MYO9B: variants seen among roughly 807,000 people sequenced by gnomAD.
MYO9B encodes the protein unconventional myosin-IXb.
In MYO9B, 71 loss-of-function variants were observed where a neutral mutation model predicts 229.5. That is an observed-to-expected ratio of 0.31 (90% CI 0.26 to 0.38). The LOEUF (loss-of-function observed/expected upper bound fraction) is 0.38. Among genes scored for constraint, MYO9B ranks in the 10% least tolerant of loss-of-function variants. The pLI is 1.00. For missense variants in MYO9B, 2,255 were observed against 2,920.5 expected (o/e 0.77, Z 5.25); for synonymous variants, 1,185 against 1,235.8 (o/e 0.96, Z 0.86).
chr19:17,096,699 GTTGTTGGTTTT>G (rs2057694369), intron 1 of MYO9B, among the ~76,000 whole-genome samples: 1 of 60,108 alleles, frequency 1.7e-5, no homozygotes, highest in African/African-American at 9.9e-5. Flanking sequence ...TGTTGTTGTT[GTTGTTGGTTTT>G]TTTTTTTTTT....
In MYO9B at chr19:17,101,436, G is replaced by A. The variant is rs2057743499; in HGVS notation, c.-58-224G>A. Among the ~76,000 whole-genome samples the A allele has an allele frequency of 6.6e-6, 1 of 152,064 alleles. No individual in the cohort carries two copies. The highest frequency in any genetic ancestry group is 1.5e-5 in the Non-Finnish European group (1 of 68,020). ...CCCACCTTGGCCTCCTAAAGTGTTG[G>A]GATTATAAGCATGAGCCACTGCAGG... On this transcript the variant is annotated intron_variant, in intron 1 of 39. Coordinates refer to ENST00000682292, the MANE Select transcript of MYO9B (RefSeq NM_004145.4). The surrounding 1 kb of genome is among the most constrained non-coding windows in gnomAD (Gnocchi z 4.7).
chr19:17,150,782 A>G (rs2072468505), intron 3 of MYO9B, among the ~76,000 whole-genome samples: 1 of 141,232 alleles, frequency 7.1e-6, no homozygotes, highest in African/African-American at 2.4e-5. Flanking sequence ...GAAATACATC[A>G]AATGATGCCT....
chr19:17,108,165 G>A (rs149453509), intron 2 of MYO9B, among the ~76,000 whole-genome samples: 5,001 of 152,230 alleles, frequency 0.033, 109 homozygotes, highest in Non-Finnish European at 0.053. Context: ...TCAGACCCCC[G>A]GTCCTGCCAG....
At chr19:17,187,764 A>G (rs894606982) in intron 18 of MYO9B, among the ~76,000 whole-genome samples, 171 bp from the exon 19 acceptor site, 2 of 152,032 alleles carry the variant, frequency 1.3e-5, no homozygotes, top group African/African-American at 4.8e-5. Flanking sequence ...CAGGTCGGCT[A>G]GCCAGCACCC....
At chr19:17,187,729 T>C (rs1216160446) in intron 18 of MYO9B, among the ~76,000 whole-genome samples, 5 of 152,134 alleles carry the variant, frequency 3.3e-5, no homozygotes, top group Non-Finnish European at 5.9e-5. Context: ...CAGGTGCTCC[T>C]GGCTGCCGTG....
chr19:17,179,375 C>T (rs952842901), intron 14 of MYO9B, among the ~76,000 whole-genome samples: 1 of 151,686 alleles, frequency 6.6e-6, no homozygotes, highest in African/African-American at 2.4e-5. Context: ...TTGCTCCTCC[C>T]ACAGAGACCC....
chr19:17,157,439 G>A (rs2072549444), intron 7 of MYO9B: 1 of 168,602 alleles, frequency 5.9e-6, no homozygotes, highest in African/African-American at 2.4e-5. Flanking sequence ...CATGCCTATA[G>A]TCCAAGCAAC....
Position 17,195,058 on chromosome 19 carries a change from G to A in MYO9B, c.3631G>A (p.Glu1211Lys). ...ETLLVVETEA[E>K]NTSQKQPTEQ... ...CCTTCTAGTCGTAGAGACGGAGGCTGAGAACACATCTCAAAAGCAGCCCAC... is the reference window on the plus strand; with the variant it reads ...CCTTCTAGTCGTAGAGACGGAGGCTAAGAACACATCTCAAAAGCAGCCCAC... Residue 1211 changes from glutamate (E) to lysine (K), a missense_variant, in exon 22 of 40, where the codon GAG (glutamate) becomes AAG (lysine). This residue lies in a region of MYO9B where 679 missense variants were observed against 770.2 expected (regional missense o/e 0.88). Transcript: ENST00000682292. This position sits in a 1 kb window ranked among gnomAD's most constrained non-coding sequence, Gnocchi z 4.5. The A allele has an allele frequency of 6.2e-7, 1 of 1,613,038 alleles. No homozygotes were observed. The highest frequency in any genetic ancestry group is 8.5e-7 in the Non-Finnish European group (1 of 1,179,868).
intron 13 of MYO9B, 127 bp downstream of exon 13, chr19:17,173,090 C>CT (rs1391339823): frequency 2.6e-6 from 3 of 1,143,182 alleles, no homozygotes; most frequent in Non-Finnish European, 3.7e-6. Context: ...CGCCACCTGT[C>CT]TACCTGAAGT....
intron 2 of MYO9B, among the ~76,000 whole-genome samples, chr19:17,110,393 A>G (rs1025099019): frequency 6.6e-6 from 1 of 152,164 alleles, no homozygotes; most frequent in African/African-American, 2.4e-5. Context: ...GCCCGTCGAC[A>G]GCCCAGGGGC....
At chr19:17,174,013 G>A (rs1056494896) in intron 13 of MYO9B, among the ~76,000 whole-genome samples, 26 of 143,168 alleles carry the variant, frequency 1.8e-4, no homozygotes, top group African/African-American at 6.3e-4. Flanking sequence ...AAACTTGAGT[G>A]ATGAGCTGCT....
At position 17,184,921 on chromosome 19, in the gene MYO9B, C is replaced by T. The variant is rs1477235030; in HGVS notation, c.2430C>T (p.Arg810=). The T allele has an allele frequency of 1.9e-6, 3 of 1,613,970 alleles. No homozygotes were observed. Among genetic ancestry groups the T allele is most frequent in the Non-Finnish European group, 2.5e-6 (3 of 1,179,866 alleles). ...KLIISMTLHD[R]TTKSLLHLHK... ...TCATCAGCATGACTCTGCACGACCG[C>T]ACCACCAAGTCCCTACTGCACCTGC... Residue 810 remains arginine, a synonymous_variant, in exon 17 of 40, where the codon CGC becomes CGT. Transcript: ENST00000682292.
chr19:17,147,894 C>T (rs1326235226), intron 3 of MYO9B, among the ~76,000 whole-genome samples: 3 of 151,706 alleles, frequency 2.0e-5, no homozygotes, highest in Non-Finnish European at 4.4e-5. Flanking sequence ...GTTGGTCAGG[C>T]TGGTCTCGAA....
chr19:17,097,888 G>T (rs191094167), intron 1 of MYO9B, among the ~76,000 whole-genome samples: 1 of 152,120 alleles, frequency 6.6e-6, no homozygotes, highest in African/African-American at 2.4e-5. Context: ...ATTTCACTCT[G>T]CTCTTGTAGC....
chr19:17,184,912 G>A lies in MYO9B; in HGVS notation c.2421G>A (p.Leu807=), dbSNP rs1479178472. 1 of 1,613,934 alleles carries A rather than the reference G, an allele frequency of 6.2e-7. No homozygotes were observed. Among genetic ancestry groups the A allele is most frequent in the African/African-American group, 1.3e-5 (1 of 75,044 alleles). ...KSLKLIISMT[L]HDRTTKSLLH... is the part of the protein sequence containing the mutation. ...TGAAACTCATCATCAGCATGACTCT[G>A]CACGACCGCACCACCAAGTCCCTAC... Residue 807 remains leucine (L), a synonymous_variant, in exon 17 of 40, where the codon CTG becomes CTA. Coordinates refer to ENST00000682292, the MANE Select transcript of MYO9B (RefSeq NM_004145.4).
chr19:17,094,222 A>G (rs1259773868), intron 1 of MYO9B, among the ~76,000 whole-genome samples: 1 of 152,000 alleles, frequency 6.6e-6, no homozygotes. Flanking sequence ...TTTAGTAGAG[A>G]CGGGATTTCT....
intron 8 of MYO9B, among the ~76,000 whole-genome samples, chr19:17,160,987 C>T (rs1191301356): frequency 1.3e-5 from 2 of 151,914 alleles, no homozygotes; most frequent in Admixed American, 6.6e-5. Context: ...GCGTGAGCCA[C>T]GGTGCCCAGA....
At chr19:17,089,624 G>A (rs1339627392) in intron 1 of MYO9B, among the ~76,000 whole-genome samples, 1 of 151,848 alleles carries the variant, frequency 6.6e-6, no homozygotes, top group African/African-American at 2.4e-5. Flanking sequence ...TTTTTTCGTT[G>A]TCATGCCTTT....
intron 24 of MYO9B, 102 bp from the exon 25 acceptor site, chr19:17,200,191 G>C: frequency 7.1e-7 from 1 of 1,418,096 alleles, no homozygotes; most frequent in Non-Finnish European, 9.5e-7. Context: ...TTTTGAGTCA[G>C]GCATTGATAG....
Sources: allele counts gnomAD v4.1 joint callset (sites outside exome capture counted in the v4.1 genomes callset), GRCh38; gene constraint gnomAD v4.1.1; regional missense constraint gnomAD v4.1.1; non-coding constraint Gnocchi (gnomAD v3.1); transcripts MANE v1.5; gene names NCBI Gene and HGNC (gene_info 2026-07-23, HGNC 2026-07-21).